The following DHRS7B variants were observed in gnomAD, a reference collection of about 807,000 sequenced individuals.
DHRS7B encodes the protein peroxisomal reductase activating PPAR-gamma.
A neutral mutation model predicts 26.4 loss-of-function variants in DHRS7B; 24 were observed. That is an observed-to-expected ratio of 0.91 (90% CI 0.66 to 1.28). DHRS7B has a LOEUF of 1.28. DHRS7B is among the 50% of genes most tolerant of loss of function. DHRS7B has a pLI of 0.00. For missense variants in DHRS7B, 368 were observed against 419.4 expected, an observed-to-expected ratio of 0.88 and a Z score of 1.07; for synonymous variants, 142 against 166.4, an observed-to-expected ratio of 0.85 and a Z score of 1.13.
chr17:21,179,719 G>A (rs1974470317), intron 3 of DHRS7B, among the ~76,000 whole-genome samples: 1 of 150,772 alleles, frequency 6.6e-6, no homozygotes. Flanking sequence ...TATAAGATAT[G>A]TGATTTGCAA....
chr17:21,167,968 C>A (rs1362796250), intron 1 of DHRS7B, among the ~76,000 whole-genome samples: 1 of 152,182 alleles, frequency 6.6e-6, no homozygotes, highest in Non-Finnish European at 1.5e-5. Flanking sequence ...GGAAATGTGG[C>A]CAGCTAGAAC....
rs764435512 is a variant in DHRS7B at position 21,191,079 on chromosome 17, ACTCTGG to A, written c.908_913del (p.Leu303_Ala304del). The A allele has an allele frequency of 1.2e-6, 2 of 1,614,074 alleles. No homozygotes were observed. Among genetic ancestry groups the A allele is most frequent in the South Asian group, 2.2e-5 (2 of 91,064 alleles). ...GCCTTCCTTGGCTGTTTATCTTCGAACTCTGGCTCCTGGGCTCTTCTTCAGCCTCAT... is the reference window on the plus strand; with the variant it reads ...GCCTTCCTTGGCTGTTTATCTTCGAACTCCTGGGCTCTTCTTCAGCCTCAT... On this transcript the variant is annotated inframe_deletion, in exon 7 of 7. Transcript: ENST00000395511.
At chr17:21,166,607 T>C (rs1332601185) in intron 1 of DHRS7B, 1 of 344,512 alleles carries the variant, frequency 2.9e-6, no homozygotes, top group East Asian at 1.7e-4. Context: ...TTCAGATATA[T>C]TTCAAGATAT....
intron 6 of DHRS7B, among the ~76,000 whole-genome samples, chr17:21,189,597 C>T (rs528043078): frequency 2.0e-5 from 3 of 152,320 alleles, no homozygotes; most frequent in South Asian, 2.1e-4. Context: ...CATGGTCCTG[C>T]GCCCGGCCCA....
At chr17:21,173,906 A>C (rs1195205857) in intron 2 of DHRS7B, among the ~76,000 whole-genome samples, 1 of 152,186 alleles carries the variant, frequency 6.6e-6, no homozygotes, top group African/African-American at 2.4e-5. Context: ...TTTGAGAAGC[A>C]TGCTGTCATC....
intron 2 of DHRS7B, chr17:21,172,498 C>G (rs1974281403): frequency 2.0e-6 from 1 of 494,822 alleles, no homozygotes; most frequent in East Asian, 3.5e-5. Flanking sequence ...CCTGCTCAGC[C>G]TCAGTTGCTT....
chr17:21,135,453 T>G (rs1973320907), intron 1 of DHRS7B, among the ~76,000 whole-genome samples: 1 of 152,152 alleles, frequency 6.6e-6, no homozygotes, highest in African/African-American at 2.4e-5. Flanking sequence ...TTTAAACACT[T>G]GATATCACAA....
intron 6 of DHRS7B, among the ~76,000 whole-genome samples, chr17:21,190,356 C>CT (rs1389577850): frequency 6.6e-6 from 1 of 152,162 alleles, no homozygotes; most frequent in Non-Finnish European, 1.5e-5. Context: ...AAACTAAGGA[C>CT]TTCTTCCTGT....
intron 1 of DHRS7B, among the ~76,000 whole-genome samples, chr17:21,168,090 C>G (rs1312402072): frequency 6.6e-6 from 1 of 152,162 alleles, no homozygotes; most frequent in Non-Finnish European, 1.5e-5. Flanking sequence ...ATCCTGACTT[C>G]CAAAGACAAG....
At chr17:21,142,687 C>T (rs1973544385) in intron 1 of DHRS7B, among the ~76,000 whole-genome samples, 1 of 151,934 alleles carries the variant, frequency 6.6e-6, no homozygotes, top group Non-Finnish European at 1.5e-5. Context: ...CCCTCACCCC[C>T]CTCCCCCGCC....
rs1973700834 is a variant in DHRS7B, at chr17:21,148,947, GAT to G, written c.20+21960_20+21961del. Among the ~76,000 whole-genome samples the G allele has an allele frequency of 2.0e-5, 3 of 152,154 alleles. No homozygotes were observed. In the South Asian group the frequency reaches 6.2e-4, roughly 32 times the overall value. ...AGAAAACTTTACACAACTTAAGAAA[GAT>G]ATAAATATTTGGGAACAGGAAAATC... On this transcript the variant is annotated intron_variant, in intron 1 of 6. Transcript: ENST00000395511.
At position 21,164,030 on chromosome 17, in the gene DHRS7B, C is replaced by CTTTTTTTTT. The variant is rs35189205; in HGVS notation, c.21-7980_21-7972dup. Among the ~76,000 whole-genome samples the CTTTTTTTTT allele has an allele frequency of 2.0e-4, 19 of 96,946 alleles. 2 individuals carry two copies. Among genetic ancestry groups the CTTTTTTTTT allele is most frequent in the African/African-American group, 3.0e-4 (6 of 19,764 alleles). 63.6% of individuals were successfully genotyped at this position (96,946 alleles called of 152,430 possible). A position where few individuals can be genotyped will look rare whatever the true frequency, so the allele number is the denominator to read the frequency against. On this transcript the variant is annotated intron_variant, in intron 1 of 6. Coordinates refer to ENST00000395511, the MANE Select transcript of DHRS7B (RefSeq NM_015510.5). ...AGTGCAGATATTGTCAATTGTTGTG[C>CTTTTTTTTT]TTTTTTTTTTTTTTTTGAGACAGGG...
intron 1 of DHRS7B, among the ~76,000 whole-genome samples, chr17:21,171,355 GC>G (rs1396265536): frequency 1.3e-5 from 2 of 152,248 alleles, no homozygotes; most frequent in Admixed American, 1.3e-4. Flanking sequence ...ACTGGGGAAT[GC>G]TGGGCAGGAA....
intron 1 of DHRS7B, among the ~76,000 whole-genome samples, chr17:21,142,540 T>C (rs544532906): frequency 6.6e-6 from 1 of 152,280 alleles, no homozygotes; most frequent in South Asian, 2.1e-4. Flanking sequence ...CCTGAAGACA[T>C]GTGCCCAAGG....
At chr17:21,138,088 A>G (rs1973394247) in intron 1 of DHRS7B, among the ~76,000 whole-genome samples, 1 of 77,480 alleles carries the variant, frequency 1.3e-5, no homozygotes, top group Non-Finnish European at 2.8e-5. Context: ...ATATATATAT[A>G]TATATATATA....
intron 1 of DHRS7B, among the ~76,000 whole-genome samples, chr17:21,137,603 A>T (rs1029052353): frequency 6.6e-6 from 1 of 152,026 alleles, no homozygotes; most frequent in African/African-American, 2.4e-5. Flanking sequence ...GATTAGAGGC[A>T]TGTGCCACCA....
intron 1 of DHRS7B, among the ~76,000 whole-genome samples, chr17:21,141,670 T>C (rs1377290142): frequency 7.8e-6 from 1 of 128,728 alleles, no homozygotes; most frequent in Admixed American, 8.1e-5. Context: ...ACAAAGGAGT[T>C]ACTACTGCCT....
At chr17:21,131,486 A>G (rs1056091599) in intron 1 of DHRS7B, among the ~76,000 whole-genome samples, 1 of 152,234 alleles carries the variant, frequency 6.6e-6, no homozygotes, top group Admixed American at 6.5e-5. Context: ...GGATGACCAG[A>G]GGTCACTTTC....
intron 1 of DHRS7B, among the ~76,000 whole-genome samples, chr17:21,140,538 A>ACCC (rs769509461): frequency 4.5e-5 from 6 of 134,754 alleles, no homozygotes; most frequent in South Asian, 2.4e-4. Flanking sequence ...ACACACACAC[A>ACCC]CCCTGACACC....
Sources: gnomAD v4.1 joint callset for allele counts (sites outside exome capture counted in the v4.1 genomes callset) on GRCh38, gnomAD v4.1.1 for gene constraint, MANE v1.5 for transcripts, NCBI Gene and HGNC (gene_info 2026-07-23, HGNC 2026-07-21) for gene names.